Variants in RASA3 observed in about 807,000 individuals in gnomAD.
RASA3 encodes RAS p21 protein activator 3.
In RASA3, 73 loss-of-function variants were observed where a neutral mutation model predicts 110.0. That is an observed-to-expected ratio of 0.66 (90% confidence interval 0.55 to 0.81). The LOEUF (loss-of-function observed/expected upper bound fraction) is 0.81, where lower values mean the gene tolerates loss of function less well. Ranked by LOEUF, RASA3 falls within the 30% of genes least tolerant of loss-of-function variation. The pLI, the probability that RASA3 is intolerant of heterozygous loss-of-function variation, is 0.00. For missense variants in RASA3, 976 were observed against 1,113.2 expected, an observed-to-expected ratio of 0.88 and a Z score of 1.75; for synonymous variants, 500 against 451.4, an observed-to-expected ratio of 1.11 and a Z score of -1.37.
chr13:114,060,279 A>G (rs541158922), intron 2 of RASA3, among the ~76,000 whole-genome samples: 1 of 152,178 alleles, frequency 6.6e-6, no homozygotes, highest in Non-Finnish European at 1.5e-5. Context: ...CAGAGCAGAC[A>G]TTTCACCACA....
At chr13:114,054,165 G>A (rs1010548587) in intron 2 of RASA3, among the ~76,000 whole-genome samples, 2 of 151,956 alleles carry the variant, frequency 1.3e-5, no homozygotes, top group Admixed American at 6.6e-5. Context: ...AAAGTGAAAA[G>A]ACAGACTAGA....
At chr13:114,116,763 GA>G (rs1208570977) in intron 1 of RASA3, among the ~76,000 whole-genome samples, 2 of 148,750 alleles carry the variant, frequency 1.3e-5, no homozygotes, top group African/African-American at 2.5e-5. Flanking sequence ...GCACGTGTGT[GA>G]GGGGTGCACG....
At position 114,070,397 on chromosome 13, in the gene RASA3, T is replaced by G. The variant is rs1349436367; in HGVS notation, c.173+3323A>C. Among the ~76,000 whole-genome samples, 3 of 152,222 alleles carry G rather than the reference T, an allele frequency of 2.0e-5. No individual in the cohort carries two copies. In the East Asian group the frequency reaches 5.8e-4, roughly 29 times the overall value. ...AATGACTAATACAGGACTCTGTTAA[T>G]GCATGTGCACCGATGGAGGGCTTCC... On this transcript the variant is annotated intron_variant, in intron 2 of 23. Coordinates refer to ENST00000334062, the MANE Select transcript of RASA3 (RefSeq NM_007368.4).
At chr13:114,078,590 C>T (rs2079730757) in intron 1 of RASA3, among the ~76,000 whole-genome samples, 1 of 152,228 alleles carries the variant, frequency 6.6e-6, no homozygotes, top group East Asian at 1.9e-4. Context: ...GCTCTGAAAA[C>T]TCAACTAACA....
At position 114,056,762 on chromosome 13, in the gene RASA3, C is replaced by A; in HGVS notation, c.174-4607G>T. ...AAAGAGGAAGCTACAAGAAAACATA[C>A]GAACTCCATAAAATTATCACCACAG... On this transcript the variant is annotated intron_variant, in intron 2 of 23. Coordinates refer to ENST00000334062, the MANE Select transcript of RASA3 (RefSeq NM_007368.4). The surrounding 1 kb of genome is among the most constrained non-coding windows in gnomAD (Gnocchi z 5.7). The A allele has an allele frequency of 1.3e-6, 1 of 788,854 alleles. No homozygotes were observed. Among genetic ancestry groups the A allele is most frequent in the Non-Finnish European group, 1.5e-6 (1 of 650,476 alleles). 48.9% of individuals were successfully genotyped at this position (788,854 alleles called of 1,614,324 possible). A position where few individuals can be genotyped will look rare whatever the true frequency, so the allele number is the denominator to read the frequency against.
intron 1 of RASA3, 21 bp from the exon 2 acceptor site, chr13:114,073,858 ACAT>A: frequency 6.4e-7 from 1 of 1,569,854 alleles, no homozygotes; most frequent in African/African-American, 1.3e-5. Context: ...AAAGCGACAT[ACAT>A]CATCAGCAGC....
intron 1 of RASA3, among the ~76,000 whole-genome samples, chr13:114,105,798 T>G (rs1289026002): frequency 6.6e-6 from 1 of 152,212 alleles, no homozygotes; most frequent in Non-Finnish European, 1.5e-5. Context: ...TGAAAAATAT[T>G]TTTAAGAGAA....
Position 114,052,052 on chromosome 13 carries a change from C to G in RASA3, c.277G>C (p.Gly93Arg). Residue 93 changes from glycine to arginine, a missense_variant and splice_region_variant, in exon 3 of 24, where the codon GGG becomes CGG. Physicochemically the swap from Gly to Arg is moderately radical, Grantham distance 125. Around this residue, in one of 4 missense-constraint regions of RASA3, gnomAD observed 732 missense variants for 779.7 expected, o/e 0.94. Coordinates refer to ENST00000334062, the MANE Select transcript of RASA3 (RefSeq NM_007368.4). ...RDVFRRDSII[G>R]KVAIQKEDLQ... is the part of the protein sequence containing the mutation. The stretch of plus-strand genomic sequence containing the variant: ...AAGTAAATGCTCATTCATCACCTAC[C>G]TATGATGGAATCCCTCCGGAAAACG... The G allele has an allele frequency of 6.3e-7, 1 of 1,592,032 alleles. No individual in the cohort carries two copies. Among genetic ancestry groups the G allele is most frequent in the South Asian group, 1.1e-5 (1 of 90,582 alleles).
At chr13:114,126,601 C>T (rs916192701) in intron 1 of RASA3, among the ~76,000 whole-genome samples, 18 of 152,224 alleles carry the variant, frequency 1.2e-4, no homozygotes, top group Non-Finnish European at 1.6e-4. Context: ...TGAGCTCTCC[C>T]GGATCTCAAC....
At chr13:114,037,004 G>C (rs540895211) in intron 4 of RASA3, among the ~76,000 whole-genome samples, 47 of 152,262 alleles carry the variant, frequency 3.1e-4, no homozygotes, top group African/African-American at 1.1e-3. Flanking sequence ...ACAACAGCTC[G>C]CATTTGCCTT....
intron 2 of RASA3, among the ~76,000 whole-genome samples, chr13:114,069,117 C>T (rs1370163001): frequency 1.2e-4 from 18 of 152,158 alleles, no homozygotes; most frequent in Admixed American, 1.2e-3. Flanking sequence ...GGTCGGTGAC[C>T]TCCTTAGTGG....
chr13:114,028,269 T>TC (rs1566498348), intron 5 of RASA3, among the ~76,000 whole-genome samples: 3 of 148,218 alleles, frequency 2.0e-5, no homozygotes, highest in South Asian at 2.2e-4. Context: ...AACAGCATCA[T>TC]CTGGGAGCCA....
intron 1 of RASA3, among the ~76,000 whole-genome samples, chr13:114,075,862 C>A (rs2079668515): frequency 3.1e-5 from 2 of 63,600 alleles, no homozygotes; most frequent in South Asian, 1.2e-3. Context: ...CGTGTGGAGG[C>A]GCCGGCAGGA....
chr13:114,099,607 TGCAGCCCCCACA>T (rs1466907252), intron 1 of RASA3, among the ~76,000 whole-genome samples: 15 of 123,836 alleles, frequency 1.2e-4, no homozygotes, highest in Non-Finnish European at 1.9e-4. Flanking sequence ...GCGCCTGAGA[TGCAGCCCCCACA>T]GCAGCCCCCC....
intron 2 of RASA3, among the ~76,000 whole-genome samples, chr13:114,061,445 T>A (rs1309261658): frequency 6.7e-6 from 1 of 149,278 alleles, no homozygotes; most frequent in Non-Finnish European, 1.5e-5. Flanking sequence ...CCAAGGTGGG[T>A]GGATCATGAG....
Position 114,030,507 on chromosome 13 carries a change from G to GGCTC in RASA3, c.373-621_373-620insGAGC, listed in dbSNP as rs2054139345. Among the ~76,000 whole-genome samples the GGCTC allele has an allele frequency of 7.2e-4, 85 of 117,774 alleles. 4 individuals carry two copies. The highest frequency in any genetic ancestry group is 2.3e-3 in the African/African-American group (76 of 33,682). 77.3% of individuals were successfully genotyped at this position (117,774 alleles called of 152,430 possible). A position where few individuals can be genotyped will look rare whatever the true frequency, so the allele number is the denominator to read the frequency against. ...AGGGCAAGACTCACACAGAGGGCAA[G>GGCTC]ACTCACACAGAGAGCAAGACTCACA... On this transcript the variant is annotated intron_variant, in intron 4 of 23. Coordinates refer to ENST00000334062, the MANE Select transcript of RASA3 (RefSeq NM_007368.4).
chr13:114,083,698 CG>C (rs2079819901), intron 1 of RASA3, among the ~76,000 whole-genome samples: 1 of 70,472 alleles, frequency 1.4e-5, no homozygotes, highest in Non-Finnish European at 3.2e-5. Flanking sequence ...CGACTCCCTT[CG>C]TCCTCGCGGG....
intron 3 of RASA3, among the ~76,000 whole-genome samples, chr13:114,041,452 C>T (rs2054404940): frequency 2.0e-5 from 3 of 152,276 alleles, no homozygotes; most frequent in African/African-American, 7.2e-5. Flanking sequence ...AGAGGCTTCG[C>T]TGTGAAGGCG....
At chr13:114,132,225 C>G (rs1025643201) in intron 1 of RASA3, among the ~76,000 whole-genome samples, 8 of 152,140 alleles carry the variant, frequency 5.3e-5, no homozygotes. Flanking sequence ...CGCGTTACCC[C>G]GGAGCCGACT....
Sources: allele counts gnomAD v4.1 joint callset (sites outside exome capture counted in the v4.1 genomes callset), GRCh38; gene constraint gnomAD v4.1.1; regional missense constraint gnomAD v4.1.1; non-coding constraint Gnocchi (gnomAD v3.1); transcripts MANE v1.5; gene names NCBI Gene and HGNC (gene_info 2026-07-23, HGNC 2026-07-21).